DLG1: variants seen among roughly 807,000 people sequenced by gnomAD.
DLG1 encodes the protein discs large MAGUK scaffold protein 1, also known as disks large homolog 1.
Under a neutral mutation model 123.4 loss-of-function variants are expected in DLG1, and 42 were observed. The observed-to-expected ratio is 0.34, with a 90% confidence interval of 0.27 to 0.44. DLG1 has a LOEUF of 0.44. Ranked by LOEUF, DLG1 falls within the 20% of genes least tolerant of loss-of-function variation. DLG1 has a pLI of 1.00. For synonymous variants in DLG1, 317 were observed against 356.2 expected (o/e 0.89, Z 1.24); for missense variants, 942 against 1,082.6 (o/e 0.87, Z 1.82).
intron 14 of DLG1, among the ~76,000 whole-genome samples, chr3:197,103,122 A>G (rs1246196037): frequency 6.6e-6 from 1 of 152,092 alleles, no homozygotes; most frequent in African/African-American, 2.4e-5. Context: ...TCAACATTCC[A>G]TATTTTAACT....
intron 4 of DLG1, among the ~76,000 whole-genome samples, chr3:197,237,966 C>T (rs1314764070): frequency 1.3e-5 from 2 of 152,174 alleles, no homozygotes; most frequent in African/African-American, 4.8e-5. Flanking sequence ...CCTAGACTTG[C>T]ATCCAAATCC....
intron 24 of DLG1, among the ~76,000 whole-genome samples, chr3:197,050,350 G>C (rs1227924253): frequency 2.7e-5 from 4 of 149,394 alleles, no homozygotes; most frequent in East Asian, 4.1e-4. Flanking sequence ...CTGGGCGACA[G>C]AGCCAGACTC....
intron 4 of DLG1, among the ~76,000 whole-genome samples, chr3:197,271,146 C>T (rs1288863459): frequency 1.3e-5 from 2 of 152,128 alleles, no homozygotes; most frequent in Admixed American, 1.3e-4. Context: ...CCTGAGCAGC[C>T]CCAGGAACAC....
chr3:197,270,071 C>T (rs965389941), intron 4 of DLG1, among the ~76,000 whole-genome samples: 1 of 152,086 alleles, frequency 6.6e-6, no homozygotes, highest in African/African-American at 2.4e-5. Flanking sequence ...TTTCTTACCT[C>T]TCAAAAATAA....
intron 12 of DLG1, 24 bp from the exon 13 acceptor site, chr3:197,116,107 A>G (rs1560784373): frequency 6.3e-7 from 1 of 1,580,942 alleles, no homozygotes; most frequent in South Asian, 1.2e-5. Context: ...AAAATTGAGT[A>G]TCTTGGAAAT....
intron 4 of DLG1, among the ~76,000 whole-genome samples, chr3:197,254,094 A>G (rs1755746115): frequency 2.6e-5 from 4 of 152,200 alleles, no homozygotes; most frequent in Admixed American, 2.6e-4. Context: ...CTTTGATGGT[A>G]TAAGGAGTGG....
At position 197,149,803 on chromosome 3, in the gene DLG1, G is replaced by C. The variant is rs1181001433; in HGVS notation, c.484-7C>G. On this transcript the variant is annotated splice_region_variant and splice_polypyrimidine_tract_variant and intron_variant, in intron 5 of 24. Transcript: ENST00000667157. The stretch of plus-strand genomic sequence containing the variant: ...GTACTGGGGGAGGATTTGCCTTTAA[G>C]AAGAAATTGTAAATGTGTTAACAAG... 1 of 1,560,146 alleles carries C rather than the reference G, an allele frequency of 6.4e-7. No homozygotes were observed. Among genetic ancestry groups the C allele is most frequent in the African/African-American group, 1.4e-5 (1 of 73,658 alleles).
At chr3:197,206,352 T>A (rs187462786) in intron 4 of DLG1, among the ~76,000 whole-genome samples, 1 of 152,286 alleles carries the variant, frequency 6.6e-6, no homozygotes, top group African/African-American at 2.4e-5. Flanking sequence ...AAGGCTGGAG[T>A]GCAGTGGCGT....
chr3:197,094,091 C>A (rs1227146785), intron 14 of DLG1, among the ~76,000 whole-genome samples: 3 of 152,090 alleles, frequency 2.0e-5, no homozygotes, highest in African/African-American at 2.4e-5. Context: ...GTGCTCTGAG[C>A]CCAAACTTCT....
chr3:197,286,939 T>G (rs1347350616), intron 3 of DLG1, among the ~76,000 whole-genome samples: 1 of 151,816 alleles, frequency 6.6e-6, no homozygotes, highest in Non-Finnish European at 1.5e-5. Flanking sequence ...TCACTCAAGC[T>G]GCAGTACAGT....
chr3:197,202,383 A>G (rs933796835), intron 4 of DLG1, among the ~76,000 whole-genome samples: 2 of 152,188 alleles, frequency 1.3e-5, no homozygotes, highest in Non-Finnish European at 2.9e-5. Flanking sequence ...GGAAGGAAAA[A>G]AAGCAAACTG....
At chr3:197,155,402 G>A (rs1795934823) in intron 5 of DLG1, among the ~76,000 whole-genome samples, 1 of 152,166 alleles carries the variant, frequency 6.6e-6, no homozygotes, top group Admixed American at 6.5e-5. Context: ...GAGGGAGTTT[G>A]TTATCACTAG....
chr3:197,056,120 A>G (rs1034472293), intron 23 of DLG1, among the ~76,000 whole-genome samples: 3 of 152,142 alleles, frequency 2.0e-5, no homozygotes, highest in Non-Finnish European at 4.4e-5. Flanking sequence ...CCTTCAATAG[A>G]CTTCAGAGTT....
At chr3:197,187,232 A>G (rs1260007221) in intron 5 of DLG1, among the ~76,000 whole-genome samples, 1 of 152,190 alleles carries the variant, frequency 6.6e-6, no homozygotes, top group Non-Finnish European at 1.5e-5. Context: ...ATAAAATTCA[A>G]TCATGTTTCT....
At chr3:197,274,497 C>T (rs1250508443) in intron 4 of DLG1, among the ~76,000 whole-genome samples, 1 of 149,792 alleles carries the variant, frequency 6.7e-6, no homozygotes, top group African/African-American at 2.4e-5. Flanking sequence ...AGATACAATA[C>T]GACACGACAC....
At chr3:197,108,331 C>T (rs1767784899) in intron 13 of DLG1, among the ~76,000 whole-genome samples, 1 of 152,136 alleles carries the variant, frequency 6.6e-6, no homozygotes, top group Non-Finnish European at 1.5e-5. Context: ...GAAAGCATTC[C>T]TCATGCTTAT....
chr3:197,090,197 CTAA>C (rs764959293), intron 15 of DLG1, among the ~76,000 whole-genome samples: 9 of 151,670 alleles, frequency 5.9e-5, no homozygotes, highest in Non-Finnish European at 1.3e-4. Context: ...ACTTACAGTG[CTAA>C]TGTTACAGTA....
chr3:197,289,677 T>C (rs900269988), intron 3 of DLG1, among the ~76,000 whole-genome samples: 1 of 152,204 alleles, frequency 6.6e-6, no homozygotes, highest in Non-Finnish European at 1.5e-5. Flanking sequence ...GAAGGGCAGA[T>C]GACATACTAA....
intron 9 of DLG1, 93 bp from the exon 10 acceptor site, chr3:197,136,771 C>T: frequency 9.2e-7 from 1 of 1,084,518 alleles, no homozygotes; most frequent in East Asian, 2.5e-5. Context: ...TATTCCCTCA[C>T]ACTAATATTT....
Sources: allele counts gnomAD v4.1 joint callset (sites outside exome capture counted in the v4.1 genomes callset), GRCh38; gene constraint gnomAD v4.1.1; transcripts MANE v1.5; gene names NCBI Gene and HGNC (gene_info 2026-07-23, HGNC 2026-07-21).